Variants in ZNF737 observed in about 807,000 individuals in gnomAD.
ZNF737 encodes zinc finger protein 102 (Y3).
A neutral mutation model predicts 11.7 loss-of-function variants in ZNF737; 13 were observed. That is an observed-to-expected ratio of 1.11 (90% CI 0.73 to 1.77). The LOEUF (loss-of-function observed/expected upper bound fraction) is 1.77, where lower values mean the gene tolerates loss of function less well. Among genes scored for constraint, ZNF737 ranks in the 40% most tolerant of loss-of-function variants. The pLI, the probability that ZNF737 is intolerant of heterozygous loss-of-function variation, is 0.00. For missense variants in ZNF737, 636 were observed against 638.0 expected (o/e 1.00, Z 0.03); for synonymous variants, 217 against 216.2 (o/e 1.00, Z -0.03).
chr19:20,539,462 G>C lies in ZNF737; in HGVS notation c.*5130C>G, dbSNP rs1968111805. On this transcript the variant is annotated 3_prime_UTR_variant, in exon 4 of 4. Coordinates refer to ENST00000427401, the MANE Select transcript of ZNF737 (RefSeq NM_001159293.2). ...TCTTGTTAGTCATCTGGCCATTTCT[G>C]TAAGTACGGCAATTATGCGAAGCCA... 1.0e-6 allele frequency: 1 copy of C among 985,280 alleles called. No individual in the cohort carries two copies. The highest frequency in any genetic ancestry group is 1.2e-6 in the Non-Finnish European group (1 of 829,938). The allele number at this position is 985,280 out of a possible 1,614,324, so 61.0% of individuals were successfully genotyped here.
chr19:20,560,355 A>C (rs1969045638), intron 1 of ZNF737, among the ~76,000 whole-genome samples: 1 of 152,072 alleles, frequency 6.6e-6, no homozygotes. Context: ...CTCCAAAAAT[A>C]AAATGAAATA....
rs1272798478 is a variant in ZNF737 at position 20,540,643 on chromosome 19, CAGCTACT to C, written c.*3942_*3948del. On this transcript the variant is annotated 3_prime_UTR_variant, in exon 4 of 4. Transcript: ENST00000427401. The stretch of plus-strand genomic sequence containing the variant: ...ACGTGGTGGTGCATGCCTGTAATCC[CAGCTACT>C]TAGGAGGCTGAGGCAGGAGAATTGC... 4.6e-6 allele frequency: 1 copy of C among 217,840 alleles called. No individual in the cohort carries two copies. The highest frequency in any genetic ancestry group is 7.8e-6 in the Non-Finnish European group (1 of 128,416). The allele number at this position is 217,840 out of a possible 1,614,324, so 13.5% of individuals were successfully genotyped here.
intron 1 of ZNF737, among the ~76,000 whole-genome samples, chr19:20,563,467 C>T (rs1969179128): frequency 6.9e-6 from 1 of 145,614 alleles, no homozygotes; most frequent in Non-Finnish European, 1.5e-5. Context: ...ACAGTGTTTA[C>T]ATAAGAAGGA....
chr19:20,552,202 A>G (rs1406641446), intron 3 of ZNF737, among the ~76,000 whole-genome samples: 1 of 152,108 alleles, frequency 6.6e-6, no homozygotes, highest in Non-Finnish European at 1.5e-5. Flanking sequence ...GCAGTATTTT[A>G]TATGCCATGA....
chr19:20,552,224 G>A (rs1968702195), intron 3 of ZNF737, among the ~76,000 whole-genome samples: 1 of 151,786 alleles, frequency 6.6e-6, no homozygotes, highest in African/African-American at 2.4e-5. Flanking sequence ...GAGGACTCTG[G>A]CTCTCACTGT....
chr19:20,540,098 G>A lies in ZNF737; in HGVS notation c.*4494C>T, dbSNP rs1370344934. 1.0e-6 allele frequency: 1 copy of A among 985,192 alleles called. No homozygotes were observed. The highest frequency in any genetic ancestry group is 1.2e-6 in the Non-Finnish European group (1 of 829,912). 61.0% of individuals were successfully genotyped at this position (985,192 alleles called of 1,614,324 possible). On this transcript the variant is annotated 3_prime_UTR_variant, in exon 4 of 4. Transcript: ENST00000427401. ...ATAGAATCCTCTTATGTTCCTTACT[G>A]GAAGCAACATGGAGGAGGCAGAAAT...
chr19:20,531,030 A>G (rs1295123965), downstream of ZNF737, among the ~76,000 whole-genome samples: 2 of 147,202 alleles, frequency 1.4e-5, no homozygotes, highest in African/African-American at 5.1e-5. Context: ...GCTGGAGACT[A>G]GCCCGGCCAA....
downstream of ZNF737, among the ~76,000 whole-genome samples, chr19:20,530,859 T>C (rs1398770950): frequency 6.8e-6 from 1 of 147,928 alleles, no homozygotes; most frequent in African/African-American, 2.5e-5. Flanking sequence ...CTCTGCACTT[T>C]GGGGGGCCAA....
At position 20,544,010 on chromosome 19, in the gene ZNF737, C is replaced by G. The variant is rs1968325883; in HGVS notation, c.*582G>C. 1.6e-6 allele frequency: 1 copy of G among 627,408 alleles called. No individual in the cohort carries two copies. Among genetic ancestry groups the G allele is most frequent in the African/African-American group, 2.0e-5 (1 of 49,826 alleles). 38.9% of individuals were successfully genotyped at this position (627,408 alleles called of 1,614,324 possible). A position where few individuals can be genotyped will look rare whatever the true frequency, so the allele number is the denominator to read the frequency against. ...GGGCATGTTGGAGGACACCTGTAAT[C>G]CCAGCTACTCAGGAAGCTGAGGTAG... On this transcript the variant is annotated 3_prime_UTR_variant, in exon 4 of 4. Coordinates refer to ENST00000427401, the MANE Select transcript of ZNF737 (RefSeq NM_001159293.2).
At position 20,542,606 on chromosome 19, in the gene ZNF737, A is replaced by G. The variant is rs1271218642; in HGVS notation, c.*1986T>C. 1.0e-6 allele frequency: 1 copy of G among 970,168 alleles called. No homozygotes were observed. The highest frequency in any genetic ancestry group is 1.2e-6 in the Non-Finnish European group (1 of 816,104). The allele number at this position is 970,168 out of a possible 1,614,324, so 60.1% of individuals were successfully genotyped here. On this transcript the variant is annotated 3_prime_UTR_variant, in exon 4 of 4. Coordinates refer to ENST00000427401, the MANE Select transcript of ZNF737 (RefSeq NM_001159293.2). ...TAAAGTAATATACTCATTTATTTTA[A>G]TATACTTTTAATTATTTCTTTGTGT...
chr19:20,561,273 G>T (rs184063113), intron 1 of ZNF737, among the ~76,000 whole-genome samples: 1 of 152,138 alleles, frequency 6.6e-6, no homozygotes, highest in African/African-American at 2.4e-5. Flanking sequence ...GTGGGGATAC[G>T]CCAGGAGACT....
chr19:20,535,270 T>A (rs112914358), downstream of ZNF737, among the ~76,000 whole-genome samples: 9 of 151,928 alleles, frequency 5.9e-5, no homozygotes, highest in African/African-American at 2.2e-4. Context: ...AGAATGAGAC[T>A]CCATCTCAAA....
At chr19:20,548,699 C>G (rs1304894450) in intron 3 of ZNF737, among the ~76,000 whole-genome samples, 12 of 151,744 alleles carry the variant, frequency 7.9e-5, no homozygotes, top group African/African-American at 2.9e-4. Context: ...CCTTAAATCT[C>G]CCAAGTAGCT....
At chr19:20,555,188 TTTTC>T (rs1291229962) in intron 1 of ZNF737, among the ~76,000 whole-genome samples, 16 of 65,834 alleles carry the variant, frequency 2.4e-4, no homozygotes, top group African/African-American at 6.8e-4. Flanking sequence ...TTTTCTTTTC[TTTTC>T]TTTTTTTTGA....
chr19:20,554,218 C>A (rs1325347714), intron 1 of ZNF737, among the ~76,000 whole-genome samples: 1 of 152,074 alleles, frequency 6.6e-6, no homozygotes, highest in African/African-American at 2.4e-5. Flanking sequence ...AAGTTGAAGA[C>A]CTTGTTATGC....
chr19:20,535,564 C>T (rs1555753672), downstream of ZNF737, among the ~76,000 whole-genome samples: 2 of 145,014 alleles, frequency 1.4e-5, no homozygotes, highest in African/African-American at 5.1e-5. Flanking sequence ...TTGCTTTTGT[C>T]ACCCAAGCTG....
downstream of ZNF737, among the ~76,000 whole-genome samples, chr19:20,537,191 GTTTT>G (rs113521016): frequency 1.4e-5 from 2 of 146,128 alleles, no homozygotes; most frequent in African/African-American, 5.0e-5. Flanking sequence ...TAAGGTACTG[GTTTT>G]TTTTTTTTTC....
chr19:20,547,096 A>G (rs951880312), intron 3 of ZNF737, among the ~76,000 whole-genome samples: 1 of 152,108 alleles, frequency 6.6e-6, no homozygotes, highest in Admixed American at 6.5e-5. Context: ...ACCTACAGTA[A>G]CATGGCCAGG....
chr19:20,555,115 G>A (rs1050526176), intron 1 of ZNF737, among the ~76,000 whole-genome samples: 1 of 151,762 alleles, frequency 6.6e-6, no homozygotes, highest in Non-Finnish European at 1.5e-5. Context: ...TGCCCACCTC[G>A]ACCTTCCAAG....
Sources: gnomAD v4.1 joint callset for allele counts (sites outside exome capture counted in the v4.1 genomes callset) on GRCh38, gnomAD v4.1.1 for gene constraint, MANE v1.5 for transcripts, NCBI Gene and HGNC (gene_info 2026-07-23, HGNC 2026-07-21) for gene names.